Variants in FAM168B observed in about 807,000 individuals in gnomAD.
FAM168B encodes the protein myelin-associated neurite-outgrowth inhibitor.
In FAM168B, 19 loss-of-function variants were observed where a neutral mutation model predicts 21.8. The ratio of observed to expected loss-of-function variants is 0.87; its 90% confidence interval spans 0.61 to 1.28. FAM168B has a LOEUF of 1.28. Ranked by LOEUF, FAM168B falls within the 50% of genes most tolerant of loss-of-function variation. The pLI is 0.00. For synonymous variants in FAM168B, 126 were observed against 104.8 expected (o/e 1.20, Z -1.24); for missense variants, 233 against 263.1 (o/e 0.89, Z 0.79).
At chr2:131,077,230 A>G (rs1179307276) in intron 2 of FAM168B, among the ~76,000 whole-genome samples, 1 of 152,036 alleles carries the variant, frequency 6.6e-6, no homozygotes, top group African/African-American at 2.4e-5. Flanking sequence ...AAAAAAAAAA[A>G]AAGAACAAGG....
intron 1 of FAM168B, among the ~76,000 whole-genome samples, chr2:131,089,721 AAAAAAAAAAAG>A (rs1336902544): frequency 6.7e-6 from 1 of 149,956 alleles, no homozygotes; most frequent in African/African-American, 2.5e-5. Context: ...CCATCTCAAA[AAAAAAAAAAAG>A]AAAGAAAAAA....
intron 2 of FAM168B, among the ~76,000 whole-genome samples, chr2:131,082,051 C>T (rs1343141646): frequency 1.3e-5 from 2 of 152,158 alleles, no homozygotes; most frequent in Admixed American, 6.5e-5. Flanking sequence ...ATATCCATTT[C>T]GCTGCAACCC....
intron 2 of FAM168B, among the ~76,000 whole-genome samples, chr2:131,081,811 C>T (rs1693446662): frequency 6.6e-6 from 1 of 152,206 alleles, no homozygotes; most frequent in Non-Finnish European, 1.5e-5. Context: ...ATGGCCTTCA[C>T]ATTTGACCCC....
chr2:131,082,545 T>G (rs1669179337), intron 2 of FAM168B, 32 bp downstream of exon 2: 2 of 1,476,914 alleles, frequency 1.4e-6, no homozygotes, highest in African/African-American at 1.4e-5. Context: ...TATTCAAAGT[T>G]CAAAAATGAA....
At chr2:131,064,809 G>C (rs996010382) in intron 3 of FAM168B, among the ~76,000 whole-genome samples, 1 of 152,204 alleles carries the variant, frequency 6.6e-6, no homozygotes. Flanking sequence ...AGATAAGAGA[G>C]AGGAAGGGAG....
At chr2:131,069,350 T>A (rs944305167) in intron 3 of FAM168B, among the ~76,000 whole-genome samples, 1 of 152,162 alleles carries the variant, frequency 6.6e-6, no homozygotes, top group Non-Finnish European at 1.5e-5. Flanking sequence ...GCCAAAGATA[T>A]AAACTTCAAT....
chr2:131,084,908 T>G (rs1287829747), intron 1 of FAM168B, among the ~76,000 whole-genome samples: 1 of 151,884 alleles, frequency 6.6e-6, no homozygotes, highest in Non-Finnish European at 1.5e-5. Flanking sequence ...AGAGACAGAG[T>G]TTCACTACGT....
intron 2 of FAM168B, among the ~76,000 whole-genome samples, chr2:131,079,704 GTTAC>G (rs1693337263): frequency 1.3e-5 from 2 of 152,048 alleles, no homozygotes; most frequent in African/African-American, 4.8e-5. Context: ...CAAGTTTGTG[GTTAC>G]CTGTTATAGC....
chr2:131,079,859 G>C (rs1301671463), intron 2 of FAM168B, among the ~76,000 whole-genome samples: 1 of 152,116 alleles, frequency 6.6e-6, no homozygotes, highest in Non-Finnish European at 1.5e-5. Context: ...GCTCACGCTT[G>C]TAATCCCAAC....
intron 1 of FAM168B, among the ~76,000 whole-genome samples, chr2:131,087,056 TC>T (rs1161558542): frequency 1.7e-5 from 1 of 59,984 alleles, no homozygotes; most frequent in Non-Finnish European, 2.8e-5. Flanking sequence ...ACAGCGAGAC[TC>T]CGTCTCAAAA....
At chr2:131,058,746 C>T (rs1330297235) in intron 3 of FAM168B, among the ~76,000 whole-genome samples, 2 of 152,170 alleles carry the variant, frequency 1.3e-5, no homozygotes, top group African/African-American at 4.8e-5. Context: ...TCTCTGGCTG[C>T]TCATCTCCTC....
rs1375921850 is a variant in FAM168B, at chr2:131,050,615, T to C, written c.*1850A>G. The C allele has an allele frequency of 7.1e-6, 7 of 985,412 alleles. No homozygotes were observed. Among genetic ancestry groups the C allele is most frequent in the East Asian group, 1.1e-4 (1 of 8,826 alleles). The allele number at this position is 985,412 out of a possible 1,614,324, so 61.0% of individuals were successfully genotyped here. A position where few individuals can be genotyped will look rare whatever the true frequency, so the allele number is the denominator to read the frequency against. On this transcript the variant is annotated 3_prime_UTR_variant, in exon 7 of 7. Transcript: ENST00000389915. ...AGAATCTGCTGTTTACAATGATCCA[T>C]GCAAAAATATTCCTAAACTTCTTAT... is the stretch of plus-strand genomic sequence containing the variant.
chr2:131,085,680 T>G (rs548307333), intron 1 of FAM168B, among the ~76,000 whole-genome samples: 1 of 152,304 alleles, frequency 6.6e-6, no homozygotes, highest in Admixed American at 6.5e-5. Context: ...CTGGCAACTT[T>G]AGTAACTAAA....
At chr2:131,083,173 G>A (rs1573814122) in intron 1 of FAM168B, among the ~76,000 whole-genome samples, 1 of 152,120 alleles carries the variant, frequency 6.6e-6, no homozygotes, top group East Asian at 1.9e-4. Context: ...GGCCAACATG[G>A]TCAAACTCCG....
intron 2 of FAM168B, among the ~76,000 whole-genome samples, chr2:131,074,264 G>T (rs1401971170): frequency 6.6e-6 from 1 of 152,108 alleles, no homozygotes; most frequent in South Asian, 2.1e-4. Flanking sequence ...AAGTAGCTGG[G>T]ATTTCGGGCA....
intron 3 of FAM168B, among the ~76,000 whole-genome samples, chr2:131,061,495 T>C (rs1163591069): frequency 6.7e-6 from 1 of 149,890 alleles, no homozygotes; most frequent in Non-Finnish European, 1.5e-5. Flanking sequence ...AGAAGATGAA[T>C]TATAGTCAGG....
At chr2:131,075,363 A>G (rs1693090952) in intron 2 of FAM168B, among the ~76,000 whole-genome samples, 1 of 151,622 alleles carries the variant, frequency 6.6e-6, no homozygotes, top group African/African-American at 2.4e-5. Context: ...CAAATTCCTC[A>G]TCTCTCCCTA....
At chr2:131,059,277 T>C (rs1485639603) in intron 3 of FAM168B, among the ~76,000 whole-genome samples, 1 of 152,042 alleles carries the variant, frequency 6.6e-6, no homozygotes, top group Non-Finnish European at 1.5e-5. Flanking sequence ...TGGCAAGCAA[T>C]GAGGAGTCAG....
chr2:131,064,300 A>T (rs1692448070), intron 3 of FAM168B, among the ~76,000 whole-genome samples: 1 of 152,214 alleles, frequency 6.6e-6, no homozygotes, highest in South Asian at 2.1e-4. Context: ...GAGTAAAAAA[A>T]GACATTTATT....
Sources: allele counts gnomAD v4.1 joint callset (sites outside exome capture counted in the v4.1 genomes callset), GRCh38; gene constraint gnomAD v4.1.1; transcripts MANE v1.5; gene names NCBI Gene and HGNC (gene_info 2026-07-23, HGNC 2026-07-21).